CSGALNACT1: variants seen among roughly 807,000 people sequenced by gnomAD.
The protein encoded by CSGALNACT1 is chondroitin sulfate N-acetylgalactosaminyltransferase 1.
In CSGALNACT1, 52 loss-of-function variants were observed where a neutral mutation model predicts 51.0. The ratio of observed to expected loss-of-function variants is 1.02; its 90% CI spans 0.82 to 1.29. CSGALNACT1 has a LOEUF of 1.29. Ranked by LOEUF, CSGALNACT1 falls within the 50% of genes most tolerant of loss-of-function variation. The probability of loss-of-function intolerance (pLI) is 0.00; values close to 1 mark genes in which losing one functional copy is unlikely to be tolerated. For missense variants in CSGALNACT1, 935 were observed against 679.2 expected, an observed-to-expected ratio of 1.38 and a Z score of -4.19; for synonymous variants, 341 against 254.4, an observed-to-expected ratio of 1.34 and a Z score of -3.24.
At chr8:19,528,429 A>G (rs1467887726) in intron 3 of CSGALNACT1, among the ~76,000 whole-genome samples, 1 of 152,118 alleles carries the variant, frequency 6.6e-6, no homozygotes, top group Non-Finnish European at 1.5e-5. Flanking sequence ...CCACTCCATA[A>G]TTTTGTCTAA....
At chr8:19,684,341 G>A (rs572150904), upstream of CSGALNACT1, among the ~76,000 whole-genome samples, 4 of 152,156 alleles carry the variant, frequency 2.6e-5, no homozygotes, top group Admixed American at 6.5e-5. Flanking sequence ...CAAAGGTATT[G>A]AAGCAACGGG....
intron 1 of CSGALNACT1, among the ~76,000 whole-genome samples, chr8:19,618,074 T>C (rs1014058607): frequency 3.9e-5 from 6 of 151,904 alleles, no homozygotes; most frequent in African/African-American, 1.5e-4. Flanking sequence ...AGATGGGGTT[T>C]CACTACATCG....
At chr8:19,646,512 T>C (rs2057294040) in intron 1 of CSGALNACT1, among the ~76,000 whole-genome samples, 1 of 152,222 alleles carries the variant, frequency 6.6e-6, no homozygotes, top group African/African-American at 2.4e-5. Flanking sequence ...ATGAGTCCTT[T>C]TTAGAAGAAA....
At chr8:19,469,756 C>G (rs11786904) in intron 4 of CSGALNACT1, among the ~76,000 whole-genome samples, 63,391 of 152,082 alleles carry the variant, frequency 0.42, 14,639 homozygotes, top group East Asian at 0.86. Flanking sequence ...CACAGACACT[C>G]TCTGTTACCT....
At chr8:19,611,953 T>A (rs376779980) in intron 1 of CSGALNACT1, among the ~76,000 whole-genome samples, 1 of 151,980 alleles carries the variant, frequency 6.6e-6, no homozygotes, top group South Asian at 2.1e-4. Context: ...AATTAAGGAT[T>A]TGAACTAATT....
At chr8:19,666,879 AAGAAAGAG>A (rs1195529414) in intron 1 of CSGALNACT1, among the ~76,000 whole-genome samples, 6 of 112,432 alleles carry the variant, frequency 5.3e-5, no homozygotes, top group Admixed American at 2.6e-4. Context: ...GAAAGAAAGA[AAGAAAGAG>A]AGAGAGGAAG....
intron 1 of CSGALNACT1, among the ~76,000 whole-genome samples, chr8:19,610,707 G>A (rs955359746): frequency 1.3e-5 from 2 of 152,190 alleles, no homozygotes; most frequent in African/African-American, 4.8e-5. Context: ...ACCCACTTCT[G>A]ACTTTCGCTG....
At chr8:19,563,251 G>C (rs1026355707) in intron 3 of CSGALNACT1, among the ~76,000 whole-genome samples, 5 of 152,086 alleles carry the variant, frequency 3.3e-5, no homozygotes, top group African/African-American at 7.2e-5. Context: ...CACAGGGAGG[G>C]GAACGACACA....
At chr8:19,729,650 C>T (rs2063581946) in intron 1 of CSGALNACT1, among the ~76,000 whole-genome samples, 1 of 152,210 alleles carries the variant, frequency 6.6e-6, no homozygotes, top group Non-Finnish European at 1.5e-5. Context: ...TTTGATCTAA[C>T]ATTGTTTTTC....
intron 6 of CSGALNACT1, among the ~76,000 whole-genome samples, chr8:19,422,948 G>A (rs1025219232): frequency 1.2e-4 from 19 of 152,110 alleles, no homozygotes; most frequent in African/African-American, 4.3e-4. Flanking sequence ...TTTCTTCGCT[G>A]TTTCCAGGTT....
At chr8:19,676,160 G>A (rs1169847314) in intron 1 of CSGALNACT1, among the ~76,000 whole-genome samples, 1 of 148,716 alleles carries the variant, frequency 6.7e-6, no homozygotes, top group South Asian at 2.2e-4. Context: ...CATTCACAAT[G>A]TTCAGGACAA....
At chr8:19,477,913 A>C (rs1369728877) in intron 4 of CSGALNACT1, among the ~76,000 whole-genome samples, 1 of 152,248 alleles carries the variant, frequency 6.6e-6, no homozygotes, top group Non-Finnish European at 1.5e-5. Context: ...CAAACTACTA[A>C]GAAGCCATGC....
intron 6 of CSGALNACT1, 41 bp downstream of exon 5, chr8:19,439,787 TCA>T: frequency 6.8e-7 from 1 of 1,461,956 alleles, no homozygotes; most frequent in Non-Finnish European, 9.6e-7. Context: ...GCTTCTGAGC[TCA>T]GTTACCAGGA....
At chr8:19,684,031 C>T (rs374142277), upstream of CSGALNACT1, among the ~76,000 whole-genome samples, 50 of 152,016 alleles carry the variant, frequency 3.3e-4, no homozygotes, top group Admixed American at 7.2e-4. Context: ...CCGGGTATGG[C>T]GGCACACACC....
chr8:19,599,500 G>GAAAGAAAGAAAGAAAT (rs1564211225), intron 2 of CSGALNACT1, among the ~76,000 whole-genome samples: 1 of 123,932 alleles, frequency 8.1e-6, no homozygotes, highest in Non-Finnish European at 1.7e-5. Flanking sequence ...AAGAAAGAAA[G>GAAAGAAAGAAAGAAAT]AAAGAAAGAA....
chr8:19,564,657 T>C (rs1335605258), intron 3 of CSGALNACT1, among the ~76,000 whole-genome samples: 5 of 152,140 alleles, frequency 3.3e-5, no homozygotes, highest in African/African-American at 9.7e-5. Context: ...TTGTGTCCAA[T>C]CAGAATTCAT....
intron 1 of CSGALNACT1, among the ~76,000 whole-genome samples, chr8:19,679,828 C>T (rs1447299653): frequency 6.6e-6 from 1 of 152,142 alleles, no homozygotes; most frequent in Non-Finnish European, 1.5e-5. Flanking sequence ...TTACCTGCGG[C>T]TTTATAGAAA....
chr8:19,503,284 A>G (rs1305105204), intron 4 of CSGALNACT1, among the ~76,000 whole-genome samples: 1 of 152,208 alleles, frequency 6.6e-6, no homozygotes, highest in Admixed American at 6.6e-5. Context: ...CACGAAATCA[A>G]TACTGAGTAG....
intron 4 of CSGALNACT1, among the ~76,000 whole-genome samples, chr8:19,477,596 G>C (rs1007763102): frequency 2.6e-5 from 4 of 152,174 alleles, no homozygotes; most frequent in African/African-American, 4.8e-5. Flanking sequence ...TAACTTATTA[G>C]TAATTATCTT....
Sources: gnomAD v4.1 joint callset for allele counts (sites outside exome capture counted in the v4.1 genomes callset) on GRCh38, gnomAD v4.1.1 for gene constraint, MANE v1.5 for transcripts, NCBI Gene and HGNC (gene_info 2026-07-23, HGNC 2026-07-21) for gene names.